OTOF: variants seen among roughly 807,000 people sequenced by gnomAD.
OTOF encodes otoferlin, also known as fer-1-like family member 2.
Under a neutral mutation model 236.8 loss-of-function variants are expected in OTOF, and 218 were observed. The observed-to-expected ratio is 0.92, with a 90% CI of 0.82 to 1.03. The LOEUF is 1.03. Ranked by LOEUF, OTOF falls within the 50% of genes least tolerant of loss-of-function variation. The pLI, the probability that OTOF is intolerant of heterozygous loss-of-function variation, is 0.00. For missense variants in OTOF, 2,590 were observed against 2,694.4 expected, an observed-to-expected ratio of 0.96 and a Z score of 0.86; for synonymous variants, 1,041 against 1,072.5, an observed-to-expected ratio of 0.97 and a Z score of 0.57.
In OTOF at chr2:26,464,982, AG is replaced by A; in HGVS notation, c.4846del (p.Leu1616Ter). The A allele has an allele frequency of 6.5e-7, 1 of 1,533,814 alleles. No homozygotes were observed. The stretch of plus-strand genomic sequence containing the variant: ...TTTGCCGTCTTTGCAGAGGCGGGTC[AG>A]GATCTGGCTGGGCTTCATGGGGTCC... ...WRDPMKPSQI[L>X]TRLCKDGKVD... On this transcript the variant is annotated frameshift_variant, in exon 39 of 47. Coordinates refer to ENST00000272371, the MANE Select transcript of OTOF (RefSeq NM_194248.3). LOFTEE classifies it high-confidence loss of function.
In OTOF at chr2:26,461,271, G is replaced by C. The variant is rs1664451851; in HGVS notation, c.5534-241C>G. ...CTTTCACCCCAGAGGGTCTCTCCTGGGGTCTCCCCTGCCACTCCCTGCCAT... is the reference window on the plus strand; with the variant it reads ...CTTTCACCCCAGAGGGTCTCTCCTGCGGTCTCCCCTGCCACTCCCTGCCAT... On this transcript the variant is annotated intron_variant, in intron 43 of 46. Transcript: ENST00000272371. The surrounding 1 kb of genome is among the most constrained non-coding windows in gnomAD (Gnocchi z 6.2). Among the ~76,000 whole-genome samples, 1 of 152,160 alleles carries C rather than the reference G, an allele frequency of 6.6e-6. No individual in the cohort carries two copies. The highest frequency in any genetic ancestry group is 2.4e-5 in the African/African-American group (1 of 41,418).
rs989209365 is a variant in OTOF at position 26,502,373 on chromosome 2, C to T, written c.637G>A (p.Gly213Arg). The stretch of plus-strand genomic sequence containing the variant: ...ACCGAGTCGGGATCCAGTCCATCTC[C>T]TAGCCGAATGGCCAGATGGTCAAGG... ...EDLDHLAIRL[G>R]DGLDPDSVSL... is the part of the protein sequence containing the mutation. The change falls in exon 7 of 47, where the codon GGA (glycine) becomes AGA (arginine). Residue 213 changes from glycine to arginine, a missense_variant. Physicochemically the swap from Gly to Arg is moderately radical, Grantham distance 125. Around this residue, in one of 2 missense-constraint regions of OTOF, gnomAD observed 1,379 missense variants for 1,341.6 expected, o/e 1.03. Coordinates refer to ENST00000272371, the MANE Select transcript of OTOF (RefSeq NM_194248.3). The T allele has an allele frequency of 5.0e-6, 8 of 1,613,892 alleles. No individual in the cohort carries two copies. The African/African-American group carries it at 1.1e-4, about 22-fold the overall frequency.
At chr2:26,537,824 G>A (rs771740821) in intron 1 of OTOF, 50 bp from the exon 2 acceptor site, 1 of 1,363,348 alleles carries the variant, frequency 7.3e-7, no homozygotes, top group Middle Eastern at 1.8e-4. Context: ...TCCAGACGAT[G>A]AGCATGGGGT....
chr2:26,489,556 T>C, intron 10 of OTOF, 122 bp downstream of exon 10: 2 of 838,528 alleles, frequency 2.4e-6, no homozygotes, highest in Non-Finnish European at 4.1e-6. Context: ...TGCCCAGCCG[T>C]GTGTCCAGGC....
intron 5 of OTOF, among the ~76,000 whole-genome samples, chr2:26,508,313 T>C (rs1666300820): frequency 6.6e-6 from 1 of 152,246 alleles, no homozygotes; most frequent in African/African-American, 2.4e-5. Flanking sequence ...TTTTAAAAAT[T>C]TTCCATGCCC....
chr2:26,482,579 ACT>A lies in OTOF; in HGVS notation c.1404_1405del (p.Val469AlafsTer6). ...CAGGGGCTCATAGCTGCTCTTCTGCACTGAAGTCTTGCCCTGGTGGAAGGGGG... is the reference window on the plus strand; with the variant it reads ...CAGGGGCTCATAGCTGCTCTTCTGCAGAAGTCTTGCCCTGGTGGAAGGGGG... On this transcript the variant is annotated frameshift_variant, in exon 14 of 47. Transcript: ENST00000272371. LOFTEE classifies it high-confidence loss of function. The A allele has an allele frequency of 6.2e-7, 1 of 1,613,006 alleles. No homozygotes were observed. The highest frequency in any genetic ancestry group is 8.5e-7 in the Non-Finnish European group (1 of 1,179,684).
chr2:26,522,510 C>T (rs761850823), intron 3 of OTOF, among the ~76,000 whole-genome samples: 14 of 152,312 alleles, frequency 9.2e-5, no homozygotes, highest in South Asian at 6.2e-4. Flanking sequence ...CGACCCTGCC[C>T]GCCGCAGCTG....
At chr2:26,472,296 G>A (rs534368349) in intron 30 of OTOF, 147 of 598,474 alleles carry the variant, frequency 2.5e-4, no homozygotes, top group East Asian at 2.4e-3. Context: ...ACACACATGC[G>A]CACACACATG....
chr2:26,474,243 G>T, intron 26 of OTOF, 133 bp from the exon 27 acceptor site: 3 of 1,270,552 alleles, frequency 2.4e-6, no homozygotes, highest in Non-Finnish European at 3.3e-6. Flanking sequence ...TGGTCAGGAT[G>T]GGTAGGAGAG....
chr2:26,471,280 C>A (rs1364875176), intron 30 of OTOF, 130 bp from the exon 31 acceptor site: 2 of 1,001,480 alleles, frequency 2.0e-6, no homozygotes, highest in African/African-American at 3.2e-5. Context: ...CCTGTGCCCG[C>A]AAGGCCAACT....
intron 9 of OTOF, among the ~76,000 whole-genome samples, chr2:26,494,509 T>C (rs1572449690): frequency 6.6e-6 from 1 of 152,192 alleles, no homozygotes; most frequent in East Asian, 1.9e-4. Flanking sequence ...CTTTGGATGG[T>C]CCAGTTCAGA....
chr2:26,483,791 G>A (rs1665629695), intron 12 of OTOF, 143 bp from the exon 13 acceptor site: 3 of 726,592 alleles, frequency 4.1e-6, no homozygotes, highest in Admixed American at 5.2e-5. Flanking sequence ...TTGTGTTCAC[G>A]GAACTTGCCC....
chr2:26,493,823 G>A (rs11126514), intron 9 of OTOF, among the ~76,000 whole-genome samples: 77,228 of 152,000 alleles, frequency 0.51, 21,324 homozygotes, highest in East Asian at 0.91. Context: ...ACCCCATAGT[G>A]CTCAACCAAT....
In OTOF at chr2:26,465,980, T is replaced by A. The variant is rs747875905; in HGVS notation, c.4597A>T (p.Ile1533Phe). The part of the protein sequence containing the change: ...KTDIRDKENY[I>F]SKQLNPVFGK... ...AAGACAGGGTTGAGCTGCTTGGAGA[T>A]GTAGTTCTCCTTGTCGCGGATGTCA... Residue 1533 changes from isoleucine to phenylalanine, a missense_variant, in exon 37 of 47, where the codon ATC becomes TTC. Transcript: ENST00000272371. 6.2e-7 allele frequency: 1 copy of A among 1,614,092 alleles called. No individual in the cohort carries two copies. The highest frequency in any genetic ancestry group is 8.5e-7 in the Non-Finnish European group (1 of 1,180,042).
chr2:26,505,689 T>C (rs1666230527), intron 5 of OTOF, among the ~76,000 whole-genome samples: 2 of 152,256 alleles, frequency 1.3e-5, no homozygotes. Context: ...GCAATATTTT[T>C]ACTGCATCTC....
chr2:26,551,794 C>T (rs1007046362), intron 1 of OTOF, among the ~76,000 whole-genome samples: 6 of 152,054 alleles, frequency 3.9e-5, no homozygotes, highest in South Asian at 2.1e-4. Flanking sequence ...TTGATGACTG[C>T]CTGATTAGTT....
chr2:26,496,350 C>T (rs1026331572), intron 8 of OTOF, among the ~76,000 whole-genome samples: 3 of 151,418 alleles, frequency 2.0e-5, no homozygotes, highest in Non-Finnish European at 4.4e-5. Flanking sequence ...TTCTTCTGCC[C>T]CAGCCTCCCA....
intron 32 of OTOF, among the ~76,000 whole-genome samples, chr2:26,469,053 T>A (rs185221585): frequency 3.0e-4 from 44 of 149,108 alleles, no homozygotes; most frequent in African/African-American, 4.4e-4. Flanking sequence ...AAGTATAATT[T>A]AAAAAAAAAA....
intron 12 of OTOF, 44 bp from the exon 13 acceptor site, chr2:26,483,692 C>T: frequency 3.2e-6 from 5 of 1,567,856 alleles, no homozygotes; most frequent in Non-Finnish European, 4.4e-6. Flanking sequence ...AGGTCCAGGT[C>T]CCCAACCCCC....
Sources: gnomAD v4.1 joint callset for allele counts (sites outside exome capture counted in the v4.1 genomes callset) on GRCh38, gnomAD v4.1.1 for gene constraint, gnomAD v4.1.1 regional missense constraint, Gnocchi (gnomAD v3.1) non-coding constraint, MANE v1.5 for transcripts, NCBI Gene and HGNC (gene_info 2026-07-23, HGNC 2026-07-21) for gene names.